Variants in SLC11A2 observed in about 807,000 individuals in gnomAD.
The protein encoded by SLC11A2 is solute carrier family 11 member 2, also known as natural resistance-associated macrophage protein 2.
A neutral mutation model predicts 68.0 loss-of-function variants in SLC11A2; 38 were observed. That is an observed-to-expected ratio of 0.56 (90% CI 0.43 to 0.73). The LOEUF (loss-of-function observed/expected upper bound fraction) is 0.73, where lower values mean the gene tolerates loss of function less well. SLC11A2 is among the 30% of genes least tolerant of loss of function. SLC11A2 has a pLI of 0.00. For missense variants in SLC11A2, 517 were observed against 690.5 expected, an observed-to-expected ratio of 0.75 and a Z score of 2.82; for synonymous variants, 242 against 250.6, an observed-to-expected ratio of 0.97 and a Z score of 0.32.
In SLC11A2 at chr12:50,987,397, G is replaced by A. The variant is rs1026785314; in HGVS notation, c.*928C>T. On this transcript the variant is annotated 3_prime_UTR_variant, in exon 16 of 16. Coordinates refer to ENST00000262052, the MANE Select transcript of SLC11A2 (RefSeq NM_000617.3). ...ACGATTCTGCTGAGAGGTGGCTTTA[G>A]GAACAAAATAGATGGCTCTCCTCCC... 14 of 1,287,058 alleles carry A rather than the reference G, an allele frequency of 1.1e-5. No individual in the cohort carries two copies. In the African/African-American group the frequency reaches 2.0e-4, roughly 18 times the overall value. The allele number at this position is 1,287,058 out of a possible 1,614,324, so 79.7% of individuals were successfully genotyped here. A position where few individuals can be genotyped will look rare whatever the true frequency, so the allele number is the denominator to read the frequency against.
At chr12:51,011,552 G>GTTTTTTTTTTT (rs772957287) in intron 1 of SLC11A2, among the ~76,000 whole-genome samples, 48 of 125,186 alleles carry the variant, frequency 3.8e-4, no homozygotes, top group East Asian at 9.9e-4. Flanking sequence ...TTTATGAGTT[G>GTTTTTTTTTTT]TTTTTTTTTG....
chr12:51,024,003 A>C (rs1473478634), intron 1 of SLC11A2, among the ~76,000 whole-genome samples: 2 of 150,620 alleles, frequency 1.3e-5, no homozygotes, highest in African/African-American at 4.9e-5. Context: ...GGGGGGTGGG[A>C]GGGGAAGTCT....
At position 50,988,093 on chromosome 12, in the gene SLC11A2, A is replaced by G; in HGVS notation, c.*232T>C. 6.8e-7 allele frequency: 1 copy of G among 1,463,340 alleles called. No homozygotes were observed. The allele number at this position is 1,463,340 out of a possible 1,614,324, so 90.6% of individuals were successfully genotyped here. A position where few individuals can be genotyped will look rare whatever the true frequency, so the allele number is the denominator to read the frequency against. On this transcript the variant is annotated 3_prime_UTR_variant, in exon 16 of 16. Transcript: ENST00000262052. ...AAGAATTTAGTGTTGGAATGATAGC[A>G]GCAAATGTCAGCTTTTCAAAGATCC...
At position 50,992,722 on chromosome 12, in the gene SLC11A2, C is replaced by T. The variant is rs142968907; in HGVS notation, c.1197+88G>A. ...ACTCCAACTTGGGCGACGAGTGAGA[C>T]TCCATCTCAAAAAAAAAAAAAAAAG... On this transcript the variant is annotated intron_variant, in intron 12 of 15. Transcript: ENST00000262052. 680 of 1,388,322 alleles carry T rather than the reference C, an allele frequency of 4.9e-4. 8 individuals carry two copies. The East Asian group carries it at 0.016, about 32-fold the overall frequency. The allele number at this position is 1,388,322 out of a possible 1,614,324, so 86.0% of individuals were successfully genotyped here.
downstream of SLC11A2, among the ~76,000 whole-genome samples, chr12:50,985,244 G>C (rs1199848893): frequency 6.6e-6 from 1 of 152,194 alleles, no homozygotes; most frequent in African/African-American, 2.4e-5. Flanking sequence ...TAAAGGAAAT[G>C]TTTCAAAACA....
intron 2 of SLC11A2, among the ~76,000 whole-genome samples, chr12:51,010,324 C>T (rs1358961170): frequency 6.6e-6 from 1 of 152,068 alleles, no homozygotes; most frequent in Non-Finnish European, 1.5e-5. Flanking sequence ...TTGCGAACAG[C>T]CTGGCCAACA....
At chr12:50,970,443 T>C in the SLC11A2 span, 6 of 1,451,570 alleles carry the variant, frequency 4.1e-6, no homozygotes, top group Non-Finnish European at 5.7e-6. Context: ...TTTTTCTAGG[T>C]GTTCTCTATT....
chr12:50,953,053 A>C, the SLC11A2 span, among the ~76,000 whole-genome samples: 1 of 152,214 alleles, frequency 6.6e-6, no homozygotes, highest in South Asian at 2.1e-4. Context: ...GCTACTGGTG[A>C]GTTTCTAGCA....
intron 5 of SLC11A2, 34 bp from the exon 6 acceptor site, chr12:51,000,453 A>C: frequency 6.6e-7 from 1 of 1,509,646 alleles, no homozygotes; most frequent in African/African-American, 1.4e-5. Flanking sequence ...CACGGTTCTG[A>C]TTAATCATTT....
At chr12:51,013,198 C>T (rs575952208) in intron 1 of SLC11A2, among the ~76,000 whole-genome samples, 13 of 152,040 alleles carry the variant, frequency 8.6e-5, no homozygotes, top group Non-Finnish European at 1.2e-4. Flanking sequence ...CTTCCTTATG[C>T]GTCAATCAGT....
downstream of SLC11A2, among the ~76,000 whole-genome samples, chr12:50,985,677 G>C (rs974943517): frequency 2.6e-5 from 4 of 152,180 alleles, no homozygotes; most frequent in Non-Finnish European, 5.9e-5. Context: ...GTAGAAAATA[G>C]TCAGCTTAGA....
Position 50,986,018 on chromosome 12 carries a change from A to G in SLC11A2, c.*2307T>C. On this transcript the variant is annotated 3_prime_UTR_variant, in exon 16 of 16. Coordinates refer to ENST00000262052, the MANE Select transcript of SLC11A2 (RefSeq NM_000617.3). ...TGGAAAAAGAAATTTTTTTTTAATT[A>G]GAAACCAAGTTTACATACGGTTAAA... The G allele has an allele frequency of 8.6e-7, 1 of 1,160,770 alleles. No homozygotes were observed. The highest frequency in any genetic ancestry group is 1.1e-6 in the Non-Finnish European group (1 of 926,762). 71.9% of individuals were successfully genotyped at this position (1,160,770 alleles called of 1,614,324 possible). A position where few individuals can be genotyped will look rare whatever the true frequency, so the allele number is the denominator to read the frequency against.
At chr12:50,982,340 T>C (rs1265468889), downstream of SLC11A2, among the ~76,000 whole-genome samples, 1 of 152,108 alleles carries the variant, frequency 6.6e-6, no homozygotes, top group Non-Finnish European at 1.5e-5. Context: ...AAAACACAAT[T>C]CCCAGCTGGG....
the SLC11A2 span, chr12:50,953,824 A>T: frequency 1.9e-6 from 1 of 532,750 alleles, no homozygotes; most frequent in Non-Finnish European, 3.3e-6. Flanking sequence ...AAATGAAAAA[A>T]TTCGGTAGTG....
the SLC11A2 span, among the ~76,000 whole-genome samples, chr12:50,968,402 G>T: frequency 2.3e-4 from 35 of 151,868 alleles, no homozygotes; most frequent in African/African-American, 7.7e-4. Flanking sequence ...TGTGTGTGTG[G>T]GGGGAGACAG....
intron 13 of SLC11A2, 88 bp downstream of exon 13, chr12:50,992,102 C>T (rs2136189775): frequency 7.7e-7 from 1 of 1,295,592 alleles, no homozygotes; most frequent in Non-Finnish European, 1.1e-6. Context: ...CTCAATATCC[C>T]CCCAGCACTC....
chr12:51,009,277 G>A lies in SLC11A2; in HGVS notation c.35-653C>T, dbSNP rs959840218. The A allele has an allele frequency of 2.4e-5, 31 of 1,297,762 alleles. No individual in the cohort carries two copies. In the African/African-American group the frequency reaches 3.4e-4, roughly 14 times the overall value. The allele number at this position is 1,297,762 out of a possible 1,614,324, so 80.4% of individuals were successfully genotyped here. ...CTAAGGCTTGCAGTAAAGTGCCGCC[G>A]GTCACGGGGTACTGGCACCCTCGTG... On this transcript the variant is annotated intron_variant, in intron 2 of 15. Transcript: ENST00000262052.
upstream of SLC11A2, chr12:51,028,430 CATTA>C (rs1424158679): frequency 2.1e-6 from 1 of 478,092 alleles, no homozygotes; most frequent in Non-Finnish European, 3.7e-6. Flanking sequence ...AAAAGAGAAG[CATTA>C]TATATCTGCC....
the SLC11A2 span, chr12:50,970,441 G>A: frequency 2.8e-6 from 4 of 1,444,208 alleles, no homozygotes; most frequent in East Asian, 9.9e-5. Context: ...TCTTTTTCTA[G>A]GTGTTCTCTA....
Sources: gnomAD v4.1 joint callset for allele counts (sites outside exome capture counted in the v4.1 genomes callset) on GRCh38, gnomAD v4.1.1 for gene constraint, MANE v1.5 for transcripts, NCBI Gene and HGNC (gene_info 2026-07-23, HGNC 2026-07-21) for gene names.